TTC28: variants seen among roughly 807,000 people sequenced by gnomAD.
TTC28 encodes the protein tetratricopeptide repeat protein 28.
A neutral mutation model predicts 198.0 loss-of-function variants in TTC28; 61 were observed. The observed-to-expected ratio is 0.31, with a 90% confidence interval of 0.25 to 0.38. TTC28 has a LOEUF of 0.38. TTC28 is among the 10% of genes least tolerant of loss of function. The pLI is 1.00. For synonymous variants in TTC28, 1,171 were observed against 1,297.8 expected, an observed-to-expected ratio of 0.90 and a Z score of 2.10; for missense variants, 2,678 against 3,164.0, an observed-to-expected ratio of 0.85 and a Z score of 3.69.
chr22:28,256,471 T>C (rs550850646), intron 5 of TTC28, among the ~76,000 whole-genome samples: 21 of 147,792 alleles, frequency 1.4e-4, no homozygotes, highest in South Asian at 6.5e-4. Flanking sequence ...TACAGGCTGA[T>C]GGTAAAGAGA....
chr22:28,535,034 T>G (rs2049236693), intron 2 of TTC28, among the ~76,000 whole-genome samples: 1 of 152,018 alleles, frequency 6.6e-6, no homozygotes, highest in Non-Finnish European at 1.5e-5. Context: ...ATTGTACACA[T>G]GTGTACACCC....
At chr22:28,098,176 T>A (rs1277722858) in intron 10 of TTC28, among the ~76,000 whole-genome samples, 3 of 152,214 alleles carry the variant, frequency 2.0e-5, no homozygotes, top group Non-Finnish European at 2.9e-5. Flanking sequence ...GGGAGAATCA[T>A]CACTGACTAT....
chr22:28,204,516 G>A (rs979617184), intron 5 of TTC28, among the ~76,000 whole-genome samples: 2 of 152,016 alleles, frequency 1.3e-5, no homozygotes, highest in African/African-American at 4.8e-5. Flanking sequence ...TTCAAATCCA[G>A]CTCCATCTAA....
chr22:27,995,618 TG>T (rs1937537642), intron 17 of TTC28, among the ~76,000 whole-genome samples: 1 of 152,056 alleles, frequency 6.6e-6, no homozygotes, highest in African/African-American at 2.4e-5. Context: ...TATCATCTGG[TG>T]GTAAAATAGG....
chr22:28,599,902 TA>T (rs2050610246), intron 2 of TTC28, among the ~76,000 whole-genome samples: 1 of 152,216 alleles, frequency 6.6e-6, no homozygotes, highest in Non-Finnish European at 1.5e-5. Context: ...ACCATCCAAC[TA>T]ATTTCATTTC....
chr22:28,012,122 A>G (rs999288251), intron 14 of TTC28, among the ~76,000 whole-genome samples: 9 of 152,206 alleles, frequency 5.9e-5, no homozygotes, highest in Admixed American at 6.5e-5. Flanking sequence ...AATGGTTTGC[A>G]TGACAGTCAG....
At chr22:28,272,272 A>C (rs1932137431) in intron 5 of TTC28, among the ~76,000 whole-genome samples, 2 of 152,180 alleles carry the variant, frequency 1.3e-5, no homozygotes, top group African/African-American at 4.8e-5. Context: ...ACTCAACCAA[A>C]TCAAGGTTGA....
At position 28,107,153 on chromosome 22, in the gene TTC28, T is replaced by G; in HGVS notation, c.2692A>C (p.Lys898Gln). 4 of 1,551,746 alleles carry G rather than the reference T, an allele frequency of 2.6e-6. No individual in the cohort carries two copies. The highest frequency in any genetic ancestry group is 2.6e-6 in the Non-Finnish European group (3 of 1,147,014). ...ACAGATAAATATTGTTCATAGTATT[T>G]GATAGCTTCCTCATAGTCACCCAGG... ...EALGDYEEAI[K>Q]YYEQYLSVAQ... Residue 898 changes from lysine (K) to glutamine (Q), a missense_variant, in exon 7 of 23, where the codon AAA becomes CAA. Physicochemically the swap from Lys to Gln is moderately conservative, Grantham distance 53. This residue lies in a region of TTC28 where 775 missense variants were observed against 845.9 expected (regional missense o/e 0.92). Transcript: ENST00000397906.
intron 5 of TTC28, among the ~76,000 whole-genome samples, chr22:28,166,729 TA>T (rs1210100032): frequency 6.6e-6 from 1 of 152,274 alleles, no homozygotes; most frequent in East Asian, 1.9e-4. Context: ...AGGAAAGATC[TA>T]AAATTGATAC....
intron 2 of TTC28, among the ~76,000 whole-genome samples, chr22:28,350,216 T>A (rs1483545769): frequency 2.0e-5 from 3 of 152,184 alleles, no homozygotes; most frequent in East Asian, 1.9e-4. Flanking sequence ...ACATTCCAGA[T>A]AAAGTATATT....
At chr22:28,615,264 A>G (rs1407347774) in intron 2 of TTC28, among the ~76,000 whole-genome samples, 1 of 152,106 alleles carries the variant, frequency 6.6e-6, no homozygotes, top group Non-Finnish European at 1.5e-5. Flanking sequence ...CATCTCACAC[A>G]AGTTAGAATG....
intron 2 of TTC28, among the ~76,000 whole-genome samples, chr22:28,577,365 G>A (rs2050167057): frequency 6.6e-6 from 1 of 151,912 alleles, no homozygotes; most frequent in South Asian, 2.1e-4. Flanking sequence ...TTTGAATGTT[G>A]TAAGACTTGT....
chr22:28,672,217 G>A (rs1298850417), intron 1 of TTC28, among the ~76,000 whole-genome samples: 2 of 151,934 alleles, frequency 1.3e-5, no homozygotes, highest in South Asian at 2.1e-4. Flanking sequence ...TTACTCTCTC[G>A]CCCAGGCTGG....
chr22:28,260,868 A>G (rs1381469287), intron 5 of TTC28, among the ~76,000 whole-genome samples: 1 of 152,176 alleles, frequency 6.6e-6, no homozygotes, highest in Non-Finnish European at 1.5e-5. Flanking sequence ...TTGTAATTCC[A>G]GAATAAAATA....
intron 2 of TTC28, among the ~76,000 whole-genome samples, chr22:28,355,393 G>A (rs1483697099): frequency 2.0e-5 from 3 of 151,240 alleles, no homozygotes; most frequent in Non-Finnish European, 4.4e-5. Context: ...GACCATCTCT[G>A]GTGCATCAAG....
intron 5 of TTC28, among the ~76,000 whole-genome samples, chr22:28,293,110 G>C (rs2044818685): frequency 6.6e-6 from 1 of 152,130 alleles, no homozygotes; most frequent in Admixed American, 6.6e-5. Flanking sequence ...ACATGGGCAG[G>C]TAAGAAGCAG....
At chr22:28,616,741 G>A (rs546694950) in intron 2 of TTC28, among the ~76,000 whole-genome samples, 5 of 152,148 alleles carry the variant, frequency 3.3e-5, no homozygotes, top group African/African-American at 1.2e-4. Flanking sequence ...CAACTACTTG[G>A]GAGTCTGAGG....
chr22:28,101,138 A>G (rs1296069381), intron 9 of TTC28, 33 bp downstream of exon 9: 113 of 1,502,366 alleles, frequency 7.5e-5, no homozygotes, highest in Non-Finnish European at 9.7e-5. Flanking sequence ...TTCTGGAAAC[A>G]AAAAATCCAC....
chr22:28,603,396 T>C (rs1350929004), intron 2 of TTC28, among the ~76,000 whole-genome samples: 1 of 151,864 alleles, frequency 6.6e-6, no homozygotes, highest in East Asian at 1.9e-4. Flanking sequence ...TGTTTTTTGT[T>C]TTGTTTTTTG....
Sources: gnomAD v4.1 joint callset for allele counts (sites outside exome capture counted in the v4.1 genomes callset) on GRCh38, gnomAD v4.1.1 for gene constraint, gnomAD v4.1.1 regional missense constraint, MANE v1.5 for transcripts, NCBI Gene and HGNC (gene_info 2026-07-23, HGNC 2026-07-21) for gene names.